DNER: variants seen among roughly 807,000 people sequenced by gnomAD.
The protein encoded by DNER is delta and Notch-like epidermal growth factor-related receptor.
Under a neutral mutation model 78.2 loss-of-function variants are expected in DNER, and 33 were observed. That is an observed-to-expected ratio of 0.42 (90% CI 0.32 to 0.56). DNER has a LOEUF of 0.56. Ranked by LOEUF, DNER falls within the 20% of genes least tolerant of loss-of-function variation. The pLI, the probability that DNER is intolerant of heterozygous loss-of-function variation, is 0.11. For synonymous variants in DNER, 417 were observed against 384.8 expected, an observed-to-expected ratio of 1.08 and a Z score of -0.98; for missense variants, 918 against 975.3, an observed-to-expected ratio of 0.94 and a Z score of 0.78.
chr2:229,578,834 T>C (rs1257168023), intron 4 of DNER, among the ~76,000 whole-genome samples: 1 of 152,170 alleles, frequency 6.6e-6, no homozygotes, highest in East Asian at 1.9e-4. Flanking sequence ...AATAGAGCTT[T>C]ACTAAGGAAT....
intron 8 of DNER, among the ~76,000 whole-genome samples, chr2:229,441,716 A>T (rs992716974): frequency 6.6e-6 from 1 of 152,148 alleles, no homozygotes; most frequent in Admixed American, 6.5e-5. Flanking sequence ...TATTGGACAA[A>T]ATTATAAAGT....
chr2:229,653,985 A>G (rs1356862449), intron 1 of DNER, among the ~76,000 whole-genome samples: 1 of 152,038 alleles, frequency 6.6e-6, no homozygotes, highest in African/African-American at 2.4e-5. Flanking sequence ...TTATTATTAT[A>G]CTTTAAGTTC....
chr2:229,487,265 C>A (rs189940567), intron 6 of DNER, among the ~76,000 whole-genome samples: 65 of 152,254 alleles, frequency 4.3e-4, no homozygotes, highest in Non-Finnish European at 4.0e-4. Flanking sequence ...TTATGCCAGC[C>A]TCTAGCACAG....
chr2:229,536,601 G>A (rs1246439465), intron 5 of DNER, among the ~76,000 whole-genome samples: 1 of 152,176 alleles, frequency 6.6e-6, no homozygotes, highest in Non-Finnish European at 1.5e-5. Flanking sequence ...AAGCATTCCA[G>A]GGGGAGGAAG....
intron 1 of DNER, among the ~76,000 whole-genome samples, chr2:229,620,755 T>C (rs903458545): frequency 1.3e-5 from 2 of 152,198 alleles, no homozygotes; most frequent in African/African-American, 4.8e-5. Flanking sequence ...AATGTCACTG[T>C]ATTTGAAGAC....
At chr2:229,468,085 T>A (rs1694841812) in intron 7 of DNER, among the ~76,000 whole-genome samples, 1 of 152,200 alleles carries the variant, frequency 6.6e-6, no homozygotes, top group Non-Finnish European at 1.5e-5. Flanking sequence ...GAATGATAAC[T>A]GAGGAAATTA....
intron 1 of DNER, among the ~76,000 whole-genome samples, chr2:229,666,454 C>T (rs1262642605): frequency 1.3e-5 from 2 of 152,156 alleles, no homozygotes; most frequent in Non-Finnish European, 2.9e-5. Context: ...TTTTAAGAAG[C>T]TAAACTTAGA....
intron 5 of DNER, among the ~76,000 whole-genome samples, chr2:229,538,398 C>T (rs774306363): frequency 1.3e-5 from 2 of 152,092 alleles, no homozygotes; most frequent in African/African-American, 2.4e-5. Context: ...GAGTTTTGTT[C>T]TTGTTGCCCA....
rs559170022 is a variant in DNER, at chr2:229,668,000, C to T, written c.276+46148G>A. 1.1e-4 allele frequency among the ~76,000 whole-genome samples: 16 copies of T among 152,240 alleles called. 2 individuals are homozygous for T. The South Asian group carries it at 3.3e-3, about 32-fold the overall frequency. The stretch of plus-strand genomic sequence containing the variant: ...AGAATTTATGCTATGTTGTAGCTAA[C>T]AAAATAGATGTGTTGTAGCATTCAG... On this transcript the variant is annotated intron_variant, in intron 1 of 12. Coordinates refer to ENST00000341772, the MANE Select transcript of DNER (RefSeq NM_139072.4).
intron 4 of DNER, among the ~76,000 whole-genome samples, chr2:229,561,444 A>G (rs772199721): frequency 5.3e-5 from 8 of 152,154 alleles, no homozygotes. Flanking sequence ...AATCCTTAAC[A>G]ACTACCTTCC....
intron 1 of DNER, among the ~76,000 whole-genome samples, chr2:229,693,516 A>G (rs1699615416): frequency 6.6e-6 from 1 of 151,928 alleles, no homozygotes; most frequent in East Asian, 1.9e-4. Flanking sequence ...TAAGTTTGGA[A>G]CTCCCTAGGG....
At chr2:229,564,064 CCAT>C (rs1479293704) in intron 4 of DNER, among the ~76,000 whole-genome samples, 1 of 134,228 alleles carries the variant, frequency 7.5e-6, no homozygotes, top group African/African-American at 2.8e-5. Flanking sequence ...CACCCCATCA[CCAT>C]CATCATCATC....
chr2:229,358,572 A>G lies in DNER; in HGVS notation c.2182T>C (p.Leu728=), dbSNP rs1234757243. ...YEDYSPDDKP[L]VTLIKTKDL is the part of the protein sequence containing the mutation. ...TCTTTAGTTTTAATCAGTGTGACCA[A>G]GGGTTTGTCATCAGGACTGTAATCT... Residue 728 remains leucine, a synonymous_variant, in exon 13 of 13, where the codon TTG becomes CTG. Transcript: ENST00000341772. The G allele has an allele frequency of 8.1e-6, 13 of 1,613,692 alleles. No homozygotes were observed. Among genetic ancestry groups the G allele is most frequent in the Non-Finnish European group, 1.1e-5 (13 of 1,179,764 alleles).
chr2:229,570,440 A>C (rs748010356), intron 4 of DNER, among the ~76,000 whole-genome samples: 7 of 152,192 alleles, frequency 4.6e-5, no homozygotes, highest in Admixed American at 6.5e-5. Context: ...CAGCCTGACC[A>C]ACATGGTGAA....
chr2:229,367,255 C>A, intron 11 of DNER, 136 bp from the exon 12 acceptor site: 1 of 1,265,884 alleles, frequency 7.9e-7, no homozygotes, highest in Non-Finnish European at 1.1e-6. Flanking sequence ...TACGGATTAT[C>A]CAGACCCAGG....
At chr2:229,642,174 G>A (rs1698637102) in intron 1 of DNER, among the ~76,000 whole-genome samples, 2 of 151,982 alleles carry the variant, frequency 1.3e-5, no homozygotes, top group Non-Finnish European at 2.9e-5. Flanking sequence ...CCTAGTATTG[G>A]GAATAAGGTT....
Position 229,398,585 on chromosome 2 carries a change from T to C in DNER, c.1723+8647A>G, listed in dbSNP as rs1266327602. On this transcript the variant is annotated intron_variant, in intron 10 of 12. Transcript: ENST00000341772. Reference sequence around the variant, plus strand: ...AAACAAAACTATTTTGTGTCTACGTTCATATTAAATACTTGTTTCTCACAA... The same window carrying C: ...AAACAAAACTATTTTGTGTCTACGTCCATATTAAATACTTGTTTCTCACAA... Among the ~76,000 whole-genome samples the C allele has an allele frequency of 2.0e-5, 3 of 152,246 alleles. No homozygotes were observed. In the East Asian group the frequency reaches 5.8e-4, roughly 29 times the overall value.
At chr2:229,366,010 T>C (rs1268458764) in intron 12 of DNER, among the ~76,000 whole-genome samples, 1 of 152,172 alleles carries the variant, frequency 6.6e-6, no homozygotes, top group Admixed American at 6.5e-5. Context: ...TATAATAGAT[T>C]TGGAGAAGTA....
intron 5 of DNER, among the ~76,000 whole-genome samples, chr2:229,528,355 A>G (rs545391876): frequency 1.6e-4 from 25 of 152,300 alleles, no homozygotes; most frequent in African/African-American, 6.0e-4. Flanking sequence ...TACTGGGAAA[A>G]TGCTCTACAA....
Sources: gnomAD v4.1 joint callset for allele counts (sites outside exome capture counted in the v4.1 genomes callset) on GRCh38, gnomAD v4.1.1 for gene constraint, MANE v1.5 for transcripts, NCBI Gene and HGNC (gene_info 2026-07-23, HGNC 2026-07-21) for gene names.